Variants in ERCC1 observed in about 807,000 individuals in gnomAD.
ERCC1 encodes the protein DNA excision repair protein ERCC-1.
Under a neutral mutation model 37.6 loss-of-function variants are expected in ERCC1, and 36 were observed. The observed-to-expected ratio is 0.96, with a 90% CI of 0.73 to 1.26. The LOEUF (loss-of-function observed/expected upper bound fraction) is 1.26. Ranked by LOEUF, ERCC1 falls within the 50% of genes most tolerant of loss-of-function variation. The pLI, the probability that ERCC1 is intolerant of heterozygous loss-of-function variation, is 0.00. For missense variants in ERCC1, 349 were observed against 376.5 expected, an observed-to-expected ratio of 0.93 and a Z score of 0.60; for synonymous variants, 156 against 162.1, an observed-to-expected ratio of 0.96 and a Z score of 0.28.
chr19:45,435,622 C>G (rs905410972), intron 1 of ERCC1, among the ~76,000 whole-genome samples: 10 of 152,142 alleles, frequency 6.6e-5, no homozygotes, highest in Non-Finnish European at 8.8e-5. Context: ...ACCGCCAGAG[C>G]TGGCTATTTT....
chr19:45,417,271 G>A (rs1270251853), intron 5 of ERCC1, among the ~76,000 whole-genome samples: 1 of 152,136 alleles, frequency 6.6e-6, no homozygotes, highest in Non-Finnish European at 1.5e-5. Flanking sequence ...CCCTCCCAGG[G>A]CTCACAGTCT....
intron 9 of ERCC1, chr19:45,410,186 A>T (rs1973628005): frequency 6.7e-6 from 1 of 149,176 alleles, no homozygotes; most frequent in South Asian, 2.1e-4. Flanking sequence ...CGCCTGGCTA[A>T]GTTATTATTA....
intron 1 of ERCC1, among the ~76,000 whole-genome samples, chr19:45,444,207 T>C (rs1398013120): frequency 6.6e-6 from 1 of 150,870 alleles, no homozygotes; most frequent in African/African-American, 2.4e-5. Flanking sequence ...AGTTCCCTCC[T>C]GTCTCCTCGA....
intron 9 of ERCC1, 70 bp downstream of exon 9, chr19:45,413,607 G>A (rs2123465524): frequency 1.2e-6 from 2 of 1,614,188 alleles, no homozygotes; most frequent in Non-Finnish European, 1.7e-6. Flanking sequence ...AAACTTTGGG[G>A]TCTCAGGTTG....
chr19:45,435,198 T>C (rs1312063091), intron 1 of ERCC1, among the ~76,000 whole-genome samples: 2 of 152,276 alleles, frequency 1.3e-5, no homozygotes, highest in Non-Finnish European at 1.5e-5. Context: ...ATTACAGGCA[T>C]GAGCCACTGT....
At chr19:45,434,235 C>T (rs1974915323) in intron 1 of ERCC1, among the ~76,000 whole-genome samples, 1 of 150,534 alleles carries the variant, frequency 6.6e-6, no homozygotes, top group Admixed American at 6.7e-5. Context: ...AATCCCAGCA[C>T]TTTGGGAAGC....
At chr19:45,423,178 C>T in intron 2 of ERCC1, 92 bp downstream of exon 2, 1 of 1,322,390 alleles carries the variant, frequency 7.6e-7, no homozygotes, top group Non-Finnish European at 1.1e-6. Context: ...CCCAAATCCA[C>T]TAACCCACAC....
At chr19:45,441,618 GC>G (rs1975120950) in intron 1 of ERCC1, among the ~76,000 whole-genome samples, 1 of 151,578 alleles carries the variant, frequency 6.6e-6, no homozygotes, top group South Asian at 2.1e-4. Context: ...CAAGTGATCC[GC>G]CCACCTCGGC....
Position 45,408,621 on chromosome 19 carries a change from A to G in ERCC1, c.*1054T>C, listed in dbSNP as rs753000019. On this transcript the variant is annotated 3_prime_UTR_variant, in exon 10 of 10. Coordinates refer to ENST00000300853, the MANE Select transcript of ERCC1 (RefSeq NM_001983.4). ...GTGCGGAAGAAGAAGAAGAAAAAAAATCAGCAGCTGAAAGAACCAGAGGCA... is the reference window on the plus strand; with the variant it reads ...GTGCGGAAGAAGAAGAAGAAAAAAAGTCAGCAGCTGAAAGAACCAGAGGCA... 1 of 1,613,788 alleles carries G rather than the reference A, an allele frequency of 6.2e-7. No homozygotes were observed. The highest frequency in any genetic ancestry group is 8.5e-7 in the Non-Finnish European group (1 of 1,180,018).
chr19:45,428,083 C>CTTTCTTTTTTTTT (rs1555790018), upstream of ERCC1, among the ~76,000 whole-genome samples: 5 of 116,016 alleles, frequency 4.3e-5, no homozygotes, highest in African/African-American at 1.9e-4. Context: ...TTCTTTCTTT[C>CTTTCTTTTTTTTT]TTTTTTTTTT....
Position 45,409,643 on chromosome 19 carries a change from T to C in ERCC1, c.*32A>G, listed in dbSNP as rs536397762. ...CTGGCCTGGGAGGACGATTTATTATTACACTGGGGGTTTCCTTGGCAGCTG... is the reference window on the plus strand; with the variant it reads ...CTGGCCTGGGAGGACGATTTATTATCACACTGGGGGTTTCCTTGGCAGCTG... On this transcript the variant is annotated 3_prime_UTR_variant, in exon 10 of 10. Coordinates refer to ENST00000300853, the MANE Select transcript of ERCC1 (RefSeq NM_001983.4). 2 of 1,461,372 alleles carry C rather than the reference T, an allele frequency of 1.4e-6. No individual in the cohort carries two copies. The highest frequency in any genetic ancestry group is 2.8e-5 in the African/African-American group (2 of 72,106). The allele number at this position is 1,461,372 out of a possible 1,614,324, so 90.5% of individuals were successfully genotyped here. A position where few individuals can be genotyped will look rare whatever the true frequency, so the allele number is the denominator to read the frequency against.
chr19:45,413,647 A>G (rs1344847458), intron 9 of ERCC1, 30 bp downstream of exon 9: 1 of 1,612,418 alleles, frequency 6.2e-7, no homozygotes, highest in Non-Finnish European at 8.5e-7. Context: ...CCTTCCCCCA[A>G]CTCCTTGGGT....
intron 2 of ERCC1, 97 bp from the exon 3 acceptor site, chr19:45,421,490 G>T: frequency 1.2e-6 from 1 of 867,332 alleles, no homozygotes; most frequent in East Asian, 2.6e-5. Flanking sequence ...TTCTTTTTTT[G>T]AGACAGTCTT....
Position 45,414,865 on chromosome 19 carries a change from G to T in ERCC1, c.698C>A (p.Ser233Tyr). 6.2e-7 allele frequency: 1 copy of T among 1,612,530 alleles called. No individual in the cohort carries two copies. Among genetic ancestry groups the T allele is most frequent in the Non-Finnish European group, 8.5e-7 (1 of 1,178,704 alleles). ...TGGGAGGTGAGGTGGCCTCACCCGG[G>T]AGACGAAGTCCTGCTCTAGCTTCTC... Reference protein sequence around the residue: ...LMEKLEQDFVSRVTECLTTVK... With the variant: ...LMEKLEQDFVYRVTECLTTVK... Residue 233 changes from serine (S) to tyrosine (Y), a missense_variant, in exon 7 of 10, where the codon TCC becomes TAC. Transcript: ENST00000300853.
At chr19:45,423,587 G>A (rs1222980467) in intron 1 of ERCC1, 194 bp downstream of exon 1, 2 of 1,409,452 alleles carry the variant, frequency 1.4e-6, no homozygotes, top group Non-Finnish European at 1.8e-6. Context: ...AGGTCCACAA[G>A]TCCCATCGCT....
chr19:45,431,000 TG>T (rs1414036265), intron 1 of ERCC1, among the ~76,000 whole-genome samples: 24 of 152,190 alleles, frequency 1.6e-4, no homozygotes, highest in Non-Finnish European at 1.0e-4. Context: ...TTCCCCAGGC[TG>T]GAGTGCAGTG....
intron 5 of ERCC1, among the ~76,000 whole-genome samples, chr19:45,418,673 A>G (rs1412501817): frequency 6.6e-6 from 1 of 151,448 alleles, no homozygotes; most frequent in Non-Finnish European, 1.5e-5. Flanking sequence ...AAATACAAAA[A>G]TCAGCCGGGC....
intron 7 of ERCC1, chr19:45,414,381 G>A: frequency 2.6e-6 from 1 of 386,322 alleles, no homozygotes; most frequent in Non-Finnish European, 4.9e-6. Context: ...GGAGGCTCAG[G>A]CAGGAGAATC....
intron 9 of ERCC1, among the ~76,000 whole-genome samples, chr19:45,412,606 A>G (rs1474419991): frequency 6.6e-6 from 1 of 152,210 alleles, no homozygotes; most frequent in African/African-American, 2.4e-5. Context: ...TTTATCCTAT[A>G]GAGTTGTTAG....
Sources: gnomAD v4.1 joint callset for allele counts (sites outside exome capture counted in the v4.1 genomes callset) on GRCh38, gnomAD v4.1.1 for gene constraint, MANE v1.5 for transcripts, NCBI Gene and HGNC (gene_info 2026-07-23, HGNC 2026-07-21) for gene names.